The following ALDH2 variants were observed in gnomAD, a reference collection of about 807,000 sequenced individuals.
The protein encoded by ALDH2 is aldehyde dehydrogenase, mitochondrial.
A neutral mutation model predicts 59.6 loss-of-function variants in ALDH2; 44 were observed. The ratio of observed to expected loss-of-function variants is 0.74; its 90% CI spans 0.58 to 0.95. The LOEUF is 0.95. Among genes scored for constraint, ALDH2 ranks in the 40% least tolerant of loss-of-function variants. ALDH2 has a pLI of 0.00. For synonymous variants in ALDH2, 291 were observed against 284.0 expected, an observed-to-expected ratio of 1.02 and a Z score of -0.25; for missense variants, 570 against 696.3, an observed-to-expected ratio of 0.82 and a Z score of 2.04.
chr12:111,800,671 A>T (rs2068444728), intron 11 of ALDH2, among the ~76,000 whole-genome samples: 2 of 152,156 alleles, frequency 1.3e-5, no homozygotes. Flanking sequence ...TATATTTTAA[A>T]GTATTGGTAA....
chr12:111,774,029 T>C (rs2238151), intron 1 of ALDH2, among the ~76,000 whole-genome samples: 79,908 of 152,120 alleles, frequency 0.53, 26,032 homozygotes, highest in East Asian at 0.94. Flanking sequence ...TGAAACTGGC[T>C]CAGGGAAAGT....
chr12:111,772,279 C>G (rs1188750615), intron 1 of ALDH2, among the ~76,000 whole-genome samples: 1 of 152,146 alleles, frequency 6.6e-6, no homozygotes, highest in Non-Finnish European at 1.5e-5. Context: ...CAGAATGAGC[C>G]AAAACCTGTG....
At chr12:111,794,386 C>T in intron 9 of ALDH2, among the ~76,000 whole-genome samples, 1 of 152,084 alleles carries the variant, frequency 6.6e-6, no homozygotes, top group East Asian at 1.9e-4. Context: ...AGTAGGTAGC[C>T]TTCTCAGACT....
rs921402635 is a variant in ALDH2 at position 111,792,863 on chromosome 12, G to A, written c.1083+81G>A. 2.0e-5 allele frequency: 29 copies of A among 1,435,818 alleles called. No homozygotes were observed. In the African/African-American group the frequency reaches 3.8e-4, roughly 19 times the overall value. The allele number at this position is 1,435,818 out of a possible 1,614,324, so 88.9% of individuals were successfully genotyped here. A position where few individuals can be genotyped will look rare whatever the true frequency, so the allele number is the denominator to read the frequency against. On this transcript the variant is annotated intron_variant, in intron 9 of 12. Coordinates refer to ENST00000261733, the MANE Select transcript of ALDH2 (RefSeq NM_000690.4). ...GAGGGCATCGGGCTCAGATCAGTTGGGACTGGGTTCAGGTCTCAGCTCTAC... is the reference window on the plus strand; with the variant it reads ...GAGGGCATCGGGCTCAGATCAGTTGAGACTGGGTTCAGGTCTCAGCTCTAC...
At position 111,814,894 on chromosome 12, in the gene ALDH2, A is replaced by AG. The variant is rs1179941946; in HGVS notation, c.*5319_*5320insG. On this transcript the variant is annotated 3_prime_UTR_variant, in exon 13 of 13. Transcript: ENST00000261733. ...GTGAATTTCACCTCAACTGAAAAAA[A>AG]CAGGGTCCCAGAGCTGGTCAGGGGA... 1.3e-5 allele frequency: 2 copies of AG among 152,178 alleles called. No individual in the cohort carries two copies. Among genetic ancestry groups the AG allele is most frequent in the African/African-American group, 2.4e-5 (1 of 41,436 alleles). The allele number at this position is 152,178 out of a possible 1,614,324, so 9.4% of individuals were successfully genotyped here.
chr12:111,775,679 T>TC (rs1349290236), intron 1 of ALDH2: 1 of 455,524 alleles, frequency 2.2e-6, no homozygotes, highest in East Asian at 7.0e-5. Flanking sequence ...AGCTAGGACA[T>TC]CCCCCCACCA....
chr12:111,803,136 G>T (rs1222315649), intron 11 of ALDH2, among the ~76,000 whole-genome samples: 2 of 151,730 alleles, frequency 1.3e-5, no homozygotes, highest in Middle Eastern at 3.4e-3. Flanking sequence ...AGTAAGCTGA[G>T]ATCTCACCAC....
At chr12:111,794,795 CTG>C (rs1219055814) in intron 9 of ALDH2, among the ~76,000 whole-genome samples, 1 of 151,976 alleles carries the variant, frequency 6.6e-6, no homozygotes, top group Non-Finnish European at 1.5e-5. Flanking sequence ...GTGTGAGCCA[CTG>C]TGCCTGGCCT....
rs970531999 is a variant in ALDH2, at chr12:111,813,210, G to A, written c.*3635G>A. ...ATGTGGGTCAGTCACAGGAGTATTA[G>A]GTGTAAAGCCGCTGCTTCTGGGTAG... On this transcript the variant is annotated 3_prime_UTR_variant, in exon 13 of 13. Coordinates refer to ENST00000261733, the MANE Select transcript of ALDH2 (RefSeq NM_000690.4). 3 of 152,170 alleles carry A rather than the reference G, an allele frequency of 2.0e-5. No individual in the cohort carries two copies. Among genetic ancestry groups the A allele is most frequent in the Admixed American group, 2.0e-4 (3 of 15,272 alleles). The allele number at this position is 152,170 out of a possible 1,614,324, so 9.4% of individuals were successfully genotyped here. A position where few individuals can be genotyped will look rare whatever the true frequency, so the allele number is the denominator to read the frequency against.
At chr12:111,793,282 C>T (rs1277445354) in intron 9 of ALDH2, among the ~76,000 whole-genome samples, 1 of 151,750 alleles carries the variant, frequency 6.6e-6, no homozygotes, top group Non-Finnish European at 1.5e-5. Context: ...TGTAGTGGTG[C>T]AATCATACCT....
chr12:111,782,110 T>C, intron 2 of ALDH2, 88 bp downstream of exon 2: 1 of 984,618 alleles, frequency 1.0e-6, no homozygotes, highest in South Asian at 1.4e-5. Flanking sequence ...ACCATATATG[T>C]GTATTACTTT....
chr12:111,790,988 G>A (rs1450239706), intron 6 of ALDH2, among the ~76,000 whole-genome samples: 1 of 152,130 alleles, frequency 6.6e-6, no homozygotes, highest in Non-Finnish European at 1.5e-5. Flanking sequence ...GTTTGAGGCT[G>A]CAGTGAGCTG....
intron 12 of ALDH2, among the ~76,000 whole-genome samples, chr12:111,805,607 G>A (rs1192653731): frequency 6.6e-6 from 1 of 152,184 alleles, no homozygotes; most frequent in Non-Finnish European, 1.5e-5. Context: ...ATAGGCATGA[G>A]CTACCACACC....
chr12:111,785,229 C>T, intron 3 of ALDH2, 38 bp from the exon 4 acceptor site: 12 of 1,541,692 alleles, frequency 7.8e-6, no homozygotes, highest in South Asian at 2.2e-5. Flanking sequence ...CCTCTCATTC[C>T]TGCACCCATG....
At chr12:111,808,029 A>G (rs1373551517) in intron 12 of ALDH2, among the ~76,000 whole-genome samples, 2 of 151,960 alleles carry the variant, frequency 1.3e-5, no homozygotes, top group Non-Finnish European at 2.9e-5. Context: ...GGCGCCTGCC[A>G]CCACACCTGG....
Position 111,792,126 on chromosome 12 carries a change from G to A in ALDH2, c.861G>A (p.Gly287=), listed in dbSNP as rs1368647243. Residue 287 remains glycine, a synonymous_variant, in exon 8 of 13, where the codon GGG becomes GGA. Transcript: ENST00000261733. The part of the protein sequence containing the change: ...SNLKRVTLEL[G]GKSPNIIMSD... Reference sequence around the variant, plus strand: ...TCAAGAGAGTGACCTTGGAGCTGGGGGGGAAGAGCCCCAACATCATCATGT... The same window carrying A: ...TCAAGAGAGTGACCTTGGAGCTGGGAGGGAAGAGCCCCAACATCATCATGT... 1.9e-6 allele frequency: 3 copies of A among 1,607,912 alleles called. No homozygotes were observed. The highest frequency in any genetic ancestry group is 2.5e-6 in the Non-Finnish European group (3 of 1,178,544).
Position 111,809,712 on chromosome 12 carries a change from G to A in ALDH2, c.*137G>A. ...CTACAAAATCTCTTGGGTCAAGAAA[G>A]TTCTAGAATTTGAATTGATAAACAT... On this transcript the variant is annotated 3_prime_UTR_variant, in exon 13 of 13. Coordinates refer to ENST00000261733, the MANE Select transcript of ALDH2 (RefSeq NM_000690.4). 1.0e-6 allele frequency: 1 copy of A among 990,180 alleles called. No homozygotes were observed. Among genetic ancestry groups the A allele is most frequent in the Non-Finnish European group, 1.5e-6 (1 of 660,702 alleles). The allele number at this position is 990,180 out of a possible 1,614,324, so 61.3% of individuals were successfully genotyped here.
chr12:111,767,185 G>GTGTAC (rs1304353808), intron 1 of ALDH2, 89 bp downstream of exon 1: 2 of 1,090,318 alleles, frequency 1.8e-6, no homozygotes, highest in Non-Finnish European at 2.5e-6. Flanking sequence ...GTGGGCCTTA[G>GTGTAC]TGTACTCATC....
In ALDH2 at chr12:111,775,519, T is replaced by C. The variant is rs59300843; in HGVS notation, c.115-6399T>C. ...GGAATGCGTGGGTGAATGAATCCAA[T>C]TTTTACAAAACAAAGTGAGATGTAT... is the stretch of plus-strand genomic sequence containing the variant. On this transcript the variant is annotated intron_variant, in intron 1 of 12. Coordinates refer to ENST00000261733, the MANE Select transcript of ALDH2 (RefSeq NM_000690.4). 7.7e-3 allele frequency: 2,963 copies of C among 385,470 alleles called. 92 individuals carry two copies. The highest frequency in any genetic ancestry group is 0.057 in the African/African-American group (2,707 of 47,412). The allele number at this position is 385,470 out of a possible 1,614,324, so 23.9% of individuals were successfully genotyped here. A position where few individuals can be genotyped will look rare whatever the true frequency, so the allele number is the denominator to read the frequency against.
Sources: allele counts gnomAD v4.1 joint callset (sites outside exome capture counted in the v4.1 genomes callset), GRCh38; gene constraint gnomAD v4.1.1; transcripts MANE v1.5; gene names NCBI Gene and HGNC (gene_info 2026-07-23, HGNC 2026-07-21).